The following ARSK variants were observed in gnomAD, a reference collection of about 807,000 sequenced individuals.
ARSK encodes arylsulfatase family member K, also known as arylsulfatase K.
In ARSK, 37 loss-of-function variants were observed where a neutral mutation model predicts 53.2. The ratio of observed to expected loss-of-function variants is 0.70; its 90% CI spans 0.54 to 0.92. The LOEUF (loss-of-function observed/expected upper bound fraction) is 0.92, where lower values mean the gene tolerates loss of function less well. ARSK is among the 40% of genes least tolerant of loss of function. The probability of loss-of-function intolerance (pLI) is 0.00; values close to 1 mark genes in which losing one functional copy is unlikely to be tolerated. For missense variants in ARSK, 613 were observed against 643.0 expected (o/e 0.95, Z 0.51); for synonymous variants, 208 against 223.2 (o/e 0.93, Z 0.61).
chr5:95,580,400 A>G (rs1318348704), intron 3 of ARSK, among the ~76,000 whole-genome samples: 1 of 152,230 alleles, frequency 6.6e-6, no homozygotes. Context: ...TATGATTTCC[A>G]GGTGCAATAG....
intron 6 of ARSK, among the ~76,000 whole-genome samples, chr5:95,594,450 A>G (rs1166568027): frequency 6.6e-6 from 1 of 152,244 alleles, no homozygotes; most frequent in Non-Finnish European, 1.5e-5. Flanking sequence ...TTAAAGAATC[A>G]AAGTCAGTGG....
At chr5:95,587,379 A>G (rs899073241) in intron 5 of ARSK, among the ~76,000 whole-genome samples, 4 of 152,222 alleles carry the variant, frequency 2.6e-5, no homozygotes, top group African/African-American at 9.6e-5. Context: ...TCTGTTTTAT[A>G]ACAAAAGTTA....
intron 3 of ARSK, among the ~76,000 whole-genome samples, chr5:95,579,719 T>A (rs1411149579): frequency 3.9e-5 from 6 of 152,176 alleles, no homozygotes; most frequent in African/African-American, 1.4e-4. Flanking sequence ...TGTATCCCTT[T>A]GAGAAGAAAA....
At chr5:95,593,307 TC>T (rs1214794436) in intron 6 of ARSK, among the ~76,000 whole-genome samples, 1 of 152,134 alleles carries the variant, frequency 6.6e-6, no homozygotes, top group Non-Finnish European at 1.5e-5. Context: ...TCTCCGTTTT[TC>T]CCTCAGTATA....
Position 95,591,538 on chromosome 5 carries a change from C to A in ARSK, c.1009C>A (p.Pro337Thr). 1 of 1,614,124 alleles carries A rather than the reference C, an allele frequency of 6.2e-7. No individual in the cohort carries two copies. Among genetic ancestry groups the A allele is most frequent in the Non-Finnish European group, 8.5e-7 (1 of 1,180,008 alleles). ...CATGTACGAGGCTAGTGCACATGTT[C>A]CGCTTTTGATGATGGGACCAGGAAT... ...MSMYEASAHVPLLMMGPGIKA... is the reference protein window; with the variant it reads ...MSMYEASAHVTLLMMGPGIKA... Residue 337 changes from proline (P) to threonine (T), a missense_variant, in exon 6 of 8, where the codon CCG (proline) becomes ACG (threonine). Pro to Thr is a conservative substitution (Grantham distance 38). Coordinates refer to ENST00000380009, the MANE Select transcript of ARSK (RefSeq NM_198150.3).
chr5:95,568,049 G>A lies in ARSK; in HGVS notation c.416G>A (p.Ser139Asn). The A allele has an allele frequency of 6.2e-7, 1 of 1,611,762 alleles. No homozygotes were observed. Among genetic ancestry groups the A allele is most frequent in the Non-Finnish European group, 8.5e-7 (1 of 1,179,064 alleles). ...LDYTSGHHSI[S>N]NRVEAWTRDV... ...TATACTTCAGGACATCACTCCATTA[G>A]GTAAAAATAAAACAAAAATAATCAT... The change falls in exon 3 of 8, where the codon AGT becomes AAT. Residue 139 changes from serine (S) to asparagine (N), a missense_variant and splice_region_variant. By Grantham distance (46) the Ser-to-Asn change is conservative. Coordinates refer to ENST00000380009, the MANE Select transcript of ARSK (RefSeq NM_198150.3).
chr5:95,586,757 A>G (rs1341220958), intron 5 of ARSK, 24 bp downstream of exon 5: 4 of 1,533,250 alleles, frequency 2.6e-6, no homozygotes, highest in Non-Finnish European at 3.5e-6. Context: ...TTAATAAGCA[A>G]TTACATGAAG....
At chr5:95,584,760 C>T (rs1213713413) in intron 4 of ARSK, among the ~76,000 whole-genome samples, 1 of 152,092 alleles carries the variant, frequency 6.6e-6, no homozygotes, top group African/African-American at 2.4e-5. Context: ...CCTGTAATCC[C>T]AGCACTTTGG....
Position 95,585,990 on chromosome 5 carries a change from G to C in ARSK, c.700-572G>C, listed in dbSNP as rs1749104923. On this transcript the variant is annotated intron_variant, in intron 4 of 7. Transcript: ENST00000380009. ...ATGACATGAGTTAAATGACTTTCAAGCAAATACTAAGTAAATGTTTGAACT... is the reference window on the plus strand; with the variant it reads ...ATGACATGAGTTAAATGACTTTCAACCAAATACTAAGTAAATGTTTGAACT... Among the ~76,000 whole-genome samples, 3 of 152,118 alleles carry C rather than the reference G, an allele frequency of 2.0e-5. No individual in the cohort carries two copies. In the South Asian group the frequency reaches 6.2e-4, roughly 31 times the overall value.
chr5:95,563,476 G>A (rs1748674258), intron 1 of ARSK, among the ~76,000 whole-genome samples: 2 of 152,270 alleles, frequency 1.3e-5, no homozygotes, highest in South Asian at 4.1e-4. Flanking sequence ...TTTCACTGAT[G>A]GAATCGTTGG....
At chr5:95,572,787 A>G (rs1239624252) in intron 3 of ARSK, among the ~76,000 whole-genome samples, 4 of 151,404 alleles carry the variant, frequency 2.6e-5, no homozygotes, top group Admixed American at 6.6e-5. Context: ...CAAAAAAAAA[A>G]GGAAACATTT....
chr5:95,563,758 C>T (rs1265968279), intron 1 of ARSK, among the ~76,000 whole-genome samples: 1 of 152,146 alleles, frequency 6.6e-6, no homozygotes, highest in Non-Finnish European at 1.5e-5. Context: ...TATATAGCAC[C>T]TTTAAGACAG....
intron 6 of ARSK, among the ~76,000 whole-genome samples, chr5:95,600,285 T>C (rs1038256361): frequency 1.4e-4 from 21 of 152,194 alleles, no homozygotes; most frequent in African/African-American, 5.1e-4. Context: ...GTATACTATA[T>C]ACCACTCCTG....
rs773206215 is a variant in ARSK, at chr5:95,583,168, A to G, written c.669A>G (p.Thr223=). The G allele has an allele frequency of 2.5e-6, 4 of 1,591,094 alleles. No homozygotes were observed. The highest frequency in any genetic ancestry group is 3.4e-6 in the Non-Finnish European group (4 of 1,165,322). The change falls in exon 4 of 8, where the codon ACA becomes ACG. Residue 223 remains threonine (T), a synonymous_variant. Coordinates refer to ENST00000380009, the MANE Select transcript of ARSK (RefSeq NM_198150.3). ...CTGGAGAAAATTTTGGATCTTCAAC[A>G]TTTCACACATCTCTTTATTGGCTTG... is the stretch of plus-strand genomic sequence containing the variant. The part of the protein sequence containing the change: ...PSSGENFGSS[T]FHTSLYWLEK...
chr5:95,580,440 G>T (rs1040717941), intron 3 of ARSK, among the ~76,000 whole-genome samples: 2 of 152,198 alleles, frequency 1.3e-5, no homozygotes, highest in African/African-American at 2.4e-5. Context: ...CATCACTCTT[G>T]TAAGAAGGGG....
intron 1 of ARSK, among the ~76,000 whole-genome samples, chr5:95,561,970 T>A (rs1444942408): frequency 6.6e-6 from 1 of 152,150 alleles, no homozygotes; most frequent in Non-Finnish European, 1.5e-5. Context: ...ATACCAGCAC[T>A]TTGGGAAGCC....
intron 1 of ARSK, among the ~76,000 whole-genome samples, chr5:95,559,339 G>C (rs1018640172): frequency 2.0e-5 from 3 of 152,116 alleles, no homozygotes; most frequent in Non-Finnish European, 4.4e-5. Context: ...GTATTTATGG[G>C]ATGTGGAACT....
chr5:95,584,060 C>G (rs1253734779), intron 4 of ARSK, among the ~76,000 whole-genome samples: 1 of 152,212 alleles, frequency 6.6e-6, no homozygotes, highest in East Asian at 1.9e-4. Context: ...GCTATTTCTT[C>G]TATAACTTCA....
chr5:95,594,881 A>C (rs1273049638), intron 6 of ARSK, among the ~76,000 whole-genome samples: 2 of 152,066 alleles, frequency 1.3e-5, no homozygotes, highest in African/African-American at 4.8e-5. Flanking sequence ...CTTCTCATAT[A>C]CTGCTACTGG....
Sources: allele counts gnomAD v4.1 joint callset (sites outside exome capture counted in the v4.1 genomes callset), GRCh38; gene constraint gnomAD v4.1.1; transcripts MANE v1.5; gene names NCBI Gene and HGNC (gene_info 2026-07-23, HGNC 2026-07-21).